The following KCNJ6 variants were observed in gnomAD, a reference collection of about 807,000 sequenced individuals.
KCNJ6 encodes the protein potassium inwardly rectifying channel subfamily J member 6.
A neutral mutation model predicts 34.2 loss-of-function variants in KCNJ6; 9 were observed. The observed-to-expected ratio is 0.26, with a 90% CI of 0.16 to 0.46. The LOEUF (loss-of-function observed/expected upper bound fraction) is 0.46, where lower values mean the gene tolerates loss of function less well. Ranked by LOEUF, KCNJ6 falls within the 20% of genes least tolerant of loss-of-function variation. The probability of loss-of-function intolerance (pLI) is 1.00; values close to 1 mark genes in which losing one functional copy is unlikely to be tolerated. For synonymous variants in KCNJ6, 196 were observed against 207.1 expected, an observed-to-expected ratio of 0.95 and a Z score of 0.46; for missense variants, 236 against 531.3, an observed-to-expected ratio of 0.44 and a Z score of 5.46.
At chr21:37,775,690 G>C (rs2055138723) in intron 2 of KCNJ6, among the ~76,000 whole-genome samples, 1 of 152,072 alleles carries the variant, frequency 6.6e-6, no homozygotes, top group Non-Finnish European at 1.5e-5. Flanking sequence ...TGAGGGCTCT[G>C]TTCTGTTCCG....
At chr21:37,766,936 T>C (rs2055094336) in intron 2 of KCNJ6, among the ~76,000 whole-genome samples, 1 of 152,188 alleles carries the variant, frequency 6.6e-6, no homozygotes. Flanking sequence ...TGCCTGATGA[T>C]CTGAGAAACA....
chr21:37,636,917 T>C (rs938021062), intron 3 of KCNJ6, among the ~76,000 whole-genome samples: 3 of 152,240 alleles, frequency 2.0e-5, no homozygotes, highest in Non-Finnish European at 2.9e-5. Flanking sequence ...ATTAGATGGA[T>C]ACAAACCACT....
chr21:37,873,960 G>A (rs1440591725), intron 1 of KCNJ6, among the ~76,000 whole-genome samples: 4 of 152,218 alleles, frequency 2.6e-5, no homozygotes, highest in East Asian at 1.9e-4. Flanking sequence ...AGAAAACTGC[G>A]TCTTATCTCC....
At chr21:37,861,144 C>T (rs571490232) in intron 1 of KCNJ6, among the ~76,000 whole-genome samples, 106 of 152,252 alleles carry the variant, frequency 7.0e-4, no homozygotes, top group Non-Finnish European at 1.3e-3. Flanking sequence ...CATTATTGCC[C>T]GACTCCCTAC....
At chr21:37,813,610 T>C (rs1393885007) in intron 2 of KCNJ6, among the ~76,000 whole-genome samples, 1 of 152,152 alleles carries the variant, frequency 6.6e-6, no homozygotes, top group Non-Finnish European at 1.5e-5. Context: ...TACACCTGCA[T>C]GAACTCGTTT....
chr21:37,798,663 A>G (rs1212259019), intron 2 of KCNJ6, among the ~76,000 whole-genome samples: 1 of 152,248 alleles, frequency 6.6e-6, no homozygotes, highest in East Asian at 1.9e-4. Flanking sequence ...AACAAGCCAG[A>G]TAGGAAAGAC....
intron 1 of KCNJ6, among the ~76,000 whole-genome samples, chr21:37,845,750 A>G (rs1314035920): frequency 2.6e-5 from 4 of 152,186 alleles, no homozygotes; most frequent in Non-Finnish European, 2.9e-5. Flanking sequence ...AATTTCCCTG[A>G]AATTAGCCAG....
At chr21:37,846,221 A>G (rs1322814727) in intron 1 of KCNJ6, among the ~76,000 whole-genome samples, 1 of 152,078 alleles carries the variant, frequency 6.6e-6, no homozygotes, top group Non-Finnish European at 1.5e-5. Context: ...GTTTCAGCTA[A>G]AGAGAGTATG....
chr21:37,913,271 ATAAATCC>A (rs1239860346), intron 1 of KCNJ6, among the ~76,000 whole-genome samples: 3 of 152,196 alleles, frequency 2.0e-5, no homozygotes, highest in Non-Finnish European at 1.5e-5. Flanking sequence ...TTGAATGGTA[ATAAATCC>A]TCCCCTCCTG....
chr21:37,746,016 CAGG>C (rs1326675704), intron 2 of KCNJ6, among the ~76,000 whole-genome samples: 1 of 152,210 alleles, frequency 6.6e-6, no homozygotes, highest in Admixed American at 6.5e-5. Context: ...TCCTGGCTTG[CAGG>C]AGGCCACCTA....
intron 1 of KCNJ6, among the ~76,000 whole-genome samples, chr21:37,912,573 C>G (rs146721217): frequency 6.6e-6 from 1 of 152,178 alleles, no homozygotes; most frequent in East Asian, 1.9e-4. Context: ...TGGAACAAGG[C>G]CAAGGAACAG....
At chr21:37,837,823 C>A (rs1481055216) in intron 2 of KCNJ6, among the ~76,000 whole-genome samples, 7 of 151,582 alleles carry the variant, frequency 4.6e-5, no homozygotes, top group Admixed American at 3.9e-4. Flanking sequence ...AATATCCTTA[C>A]CTAATTATGT....
intron 2 of KCNJ6, among the ~76,000 whole-genome samples, chr21:37,789,808 T>C (rs1240371659): frequency 6.6e-6 from 1 of 152,342 alleles, no homozygotes; most frequent in East Asian, 1.9e-4. Flanking sequence ...TCCTAAGTCA[T>C]GCAGATAGAT....
chr21:37,865,200 G>C (rs769333823), intron 1 of KCNJ6, among the ~76,000 whole-genome samples: 5 of 152,134 alleles, frequency 3.3e-5, no homozygotes, highest in Non-Finnish European at 5.9e-5. Context: ...CAGATATGCT[G>C]GGAATAATGT....
chr21:37,863,805 T>C (rs958544755), intron 1 of KCNJ6, among the ~76,000 whole-genome samples: 10 of 151,784 alleles, frequency 6.6e-5, no homozygotes, highest in African/African-American at 2.2e-4. Flanking sequence ...AAAAGTCTTA[T>C]TGGCTTACAT....
rs187572005 is a variant in KCNJ6 at position 37,763,330 on chromosome 21, G to A, written c.26-48199C>T. Among the ~76,000 whole-genome samples, 15 of 152,276 alleles carry A rather than the reference G, an allele frequency of 9.9e-5. No individual in the cohort carries two copies. The East Asian group carries it at 2.5e-3, about 25-fold the overall frequency. On this transcript the variant is annotated intron_variant, in intron 2 of 3. Transcript: ENST00000609713. ...GGTGGATGCGATGATCTGTCTTCTC[G>A]TGGTAAGGAGGTGATTCCCTGAACA...
intron 2 of KCNJ6, among the ~76,000 whole-genome samples, chr21:37,769,107 C>T (rs767730609): frequency 6.6e-6 from 1 of 152,130 alleles, no homozygotes; most frequent in Admixed American, 6.5e-5. Context: ...ATGCTGCGCA[C>T]GGGGTGATGT....
At chr21:37,689,305 TC>T (rs11312340) in intron 3 of KCNJ6, among the ~76,000 whole-genome samples, 152,336 of 152,336 alleles carry the variant, frequency 1, 76,168 homozygotes, top group Non-Finnish European at 1. Flanking sequence ...CACTTCAAAA[TC>T]CATACATACT....
chr21:37,673,716 G>A (rs1166504319), intron 3 of KCNJ6, among the ~76,000 whole-genome samples: 1 of 152,210 alleles, frequency 6.6e-6, no homozygotes, highest in Non-Finnish European at 1.5e-5. Context: ...GTTAGAGGGG[G>A]ACAGGGAAGG....
Sources: allele counts gnomAD v4.1 joint callset (sites outside exome capture counted in the v4.1 genomes callset), GRCh38; gene constraint gnomAD v4.1.1; transcripts MANE v1.5; gene names NCBI Gene and HGNC (gene_info 2026-07-23, HGNC 2026-07-21).